Variants in RIMS4 observed in about 807,000 individuals in gnomAD.
RIMS4 encodes the protein regulating synaptic membrane exocytosis 4, also known as regulating synaptic membrane exocytosis protein 4.
A neutral mutation model predicts 29.0 loss-of-function variants in RIMS4; 9 were observed. The observed-to-expected ratio is 0.31, with a 90% CI of 0.19 to 0.54. RIMS4 has a LOEUF of 0.54. Among genes scored for constraint, RIMS4 ranks in the 20% least tolerant of loss-of-function variants. The probability of loss-of-function intolerance (pLI) is 0.94; values close to 1 mark genes in which losing one functional copy is unlikely to be tolerated. For synonymous variants in RIMS4, 130 were observed against 152.9 expected (o/e 0.85, Z 1.10); for missense variants, 193 against 365.7 (o/e 0.53, Z 3.85).
chr20:44,772,542 C>T (rs2066141648), intron 1 of RIMS4, among the ~76,000 whole-genome samples: 1 of 152,172 alleles, frequency 6.6e-6, no homozygotes, highest in Non-Finnish European at 1.5e-5. Flanking sequence ...AAACAGGAGG[C>T]ACGGAGAGGT....
At chr20:44,762,692 G>A (rs1393890474) in intron 2 of RIMS4, among the ~76,000 whole-genome samples, 3 of 152,198 alleles carry the variant, frequency 2.0e-5, no homozygotes, top group African/African-American at 7.2e-5. Flanking sequence ...GAACCCGGCT[G>A]ACGCCCCAGA....
intron 1 of RIMS4, among the ~76,000 whole-genome samples, chr20:44,800,456 G>C (rs2066273183): frequency 6.6e-6 from 1 of 152,050 alleles, no homozygotes; most frequent in Non-Finnish European, 1.5e-5. Flanking sequence ...GGGTGCCCAG[G>C]ACACTTCCCC....
chr20:44,771,833 T>C (rs2066138928), intron 1 of RIMS4, among the ~76,000 whole-genome samples: 1 of 152,176 alleles, frequency 6.6e-6, no homozygotes, highest in Admixed American at 6.5e-5. Context: ...CAGTAGGGGC[T>C]GCCCTGGGCA....
intron 1 of RIMS4, among the ~76,000 whole-genome samples, chr20:44,806,119 C>A (rs1185054881): frequency 6.6e-6 from 1 of 152,114 alleles, no homozygotes; most frequent in Non-Finnish European, 1.5e-5. Flanking sequence ...GTTGCCATGG[C>A]AACCTCCTCC....
intron 1 of RIMS4, among the ~76,000 whole-genome samples, chr20:44,789,470 G>C (rs2066223412): frequency 6.6e-6 from 1 of 151,918 alleles, no homozygotes; most frequent in Admixed American, 6.6e-5. Context: ...CTAATTTTTT[G>C]TATTTTTAGT....
At chr20:44,796,145 C>G (rs910590191) in intron 1 of RIMS4, among the ~76,000 whole-genome samples, 5 of 151,712 alleles carry the variant, frequency 3.3e-5, no homozygotes, top group Admixed American at 3.3e-4. Flanking sequence ...CAGGTCTCTG[C>G]TGAGCTGTCC....
intron 1 of RIMS4, among the ~76,000 whole-genome samples, chr20:44,779,883 C>T (rs569188778): frequency 6.6e-6 from 1 of 152,260 alleles, no homozygotes; most frequent in East Asian, 1.9e-4. Flanking sequence ...AAGCAATGTT[C>T]TGAAGAAGTG....
intron 2 of RIMS4, among the ~76,000 whole-genome samples, chr20:44,758,869 C>T (rs2066072229): frequency 1.3e-5 from 2 of 152,196 alleles, no homozygotes; most frequent in African/African-American, 4.8e-5. Context: ...ATGTAGCTAC[C>T]ATCTGGATCC....
At chr20:44,779,858 C>T (rs2066176150) in intron 1 of RIMS4, among the ~76,000 whole-genome samples, 3 of 152,126 alleles carry the variant, frequency 2.0e-5, no homozygotes, top group African/African-American at 7.2e-5. Flanking sequence ...ACACGTTAGA[C>T]TATCATTCAG....
intron 1 of RIMS4, among the ~76,000 whole-genome samples, chr20:44,790,666 T>C (rs977039472): frequency 2.6e-5 from 4 of 152,188 alleles, no homozygotes; most frequent in Admixed American, 2.6e-4. Flanking sequence ...AGAGAGGACT[T>C]GCTCTGCTCC....
intron 1 of RIMS4, among the ~76,000 whole-genome samples, chr20:44,804,837 G>C (rs1185084688): frequency 6.6e-6 from 1 of 152,180 alleles, no homozygotes; most frequent in Admixed American, 6.5e-5. Flanking sequence ...CAGGAGTCTA[G>C]GGGATTGGGG....
At chr20:44,783,413 G>C (rs1382167236) in intron 1 of RIMS4, among the ~76,000 whole-genome samples, 1 of 152,090 alleles carries the variant, frequency 6.6e-6, no homozygotes, top group Non-Finnish European at 1.5e-5. Flanking sequence ...ACCTGAGGTC[G>C]GGAGTTTGAG....
chr20:44,764,115 T>TATCC (rs763540471), intron 2 of RIMS4, among the ~76,000 whole-genome samples: 12 of 40,884 alleles, frequency 2.9e-4, no homozygotes, highest in Admixed American at 9.5e-4. Flanking sequence ...TCCATCCATT[T>TATCC]ATCCATCCAT....
chr20:44,801,147 T>G (rs1414909858), intron 1 of RIMS4, among the ~76,000 whole-genome samples: 1 of 152,176 alleles, frequency 6.6e-6, no homozygotes, highest in African/African-American at 2.4e-5. Context: ...GGGCCAGAGA[T>G]GCAAACCCAG....
rs1055475780 is a variant in RIMS4, at chr20:44,754,397, T to C, written c.*1737A>G. On this transcript the variant is annotated 3_prime_UTR_variant, in exon 6 of 6. Transcript: ENST00000372851. ...GGTGGAAGGAGTTGCCTGGTGGGAC[T>C]GGGACCGGGACCGGGACCAGGAACA... 3.2e-5 allele frequency: 5 copies of C among 157,812 alleles called. No individual in the cohort carries two copies. The highest frequency in any genetic ancestry group is 7.1e-5 in the Non-Finnish European group (5 of 70,438). 9.8% of individuals were successfully genotyped at this position (157,812 alleles called of 1,614,324 possible).
intron 1 of RIMS4, among the ~76,000 whole-genome samples, chr20:44,803,488 G>A (rs1202970418): frequency 6.6e-6 from 1 of 152,128 alleles, no homozygotes; most frequent in Non-Finnish European, 1.5e-5. Context: ...GGCAGCAGCT[G>A]CCCTCTCGCC....
chr20:44,757,987 A>G, intron 3 of RIMS4, 85 bp downstream of exon 3: 1 of 1,109,094 alleles, frequency 9.0e-7, no homozygotes, highest in Admixed American at 2.0e-5. Flanking sequence ...ATCAACAGGC[A>G]AAGGGGAAGG....
intron 1 of RIMS4, among the ~76,000 whole-genome samples, chr20:44,790,351 A>C (rs1188157279): frequency 6.6e-6 from 1 of 152,078 alleles, no homozygotes; most frequent in African/African-American, 2.4e-5. Flanking sequence ...CTGGCCAGGC[A>C]CTGTGCCAAG....
intron 1 of RIMS4, among the ~76,000 whole-genome samples, chr20:44,802,035 A>G (rs1368287923): frequency 2.0e-5 from 3 of 152,112 alleles, no homozygotes; most frequent in Non-Finnish European, 2.9e-5. Flanking sequence ...CCTGCCCCCA[A>G]ACTAAATAAA....
Sources: gnomAD v4.1 joint callset for allele counts (sites outside exome capture counted in the v4.1 genomes callset) on GRCh38, gnomAD v4.1.1 for gene constraint, MANE v1.5 for transcripts, NCBI Gene and HGNC (gene_info 2026-07-23, HGNC 2026-07-21) for gene names.